ADAMTSL1: variants seen among roughly 807,000 people sequenced by gnomAD.
ADAMTSL1 encodes the protein ADAMTS like 1.
In ADAMTSL1, 126 loss-of-function variants were observed where a neutral mutation model predicts 201.8. The observed-to-expected ratio is 0.62, with a 90% CI of 0.54 to 0.72. The LOEUF (loss-of-function observed/expected upper bound fraction) is 0.72, where lower values mean the gene tolerates loss of function less well. Among genes scored for constraint, ADAMTSL1 ranks in the 30% least tolerant of loss-of-function variants. The pLI is 0.00. For missense variants in ADAMTSL1, 2,679 were observed against 2,277.8 expected, an observed-to-expected ratio of 1.18 and a Z score of -3.59; for synonymous variants, 1,121 against 903.4, an observed-to-expected ratio of 1.24 and a Z score of -4.32.
intron 2 of ADAMTSL1, among the ~76,000 whole-genome samples, chr9:18,345,653 G>A (rs1835681980): frequency 6.6e-6 from 1 of 152,066 alleles, no homozygotes; most frequent in Non-Finnish European, 1.5e-5. Context: ...ATATTTTGTG[G>A]CAAAGTTATC....
At chr9:18,403,100 T>C (rs1036878960) in intron 2 of ADAMTSL1, among the ~76,000 whole-genome samples, 4 of 152,202 alleles carry the variant, frequency 2.6e-5, no homozygotes, top group African/African-American at 7.2e-5. Flanking sequence ...ATGATAATTA[T>C]GTTAAGATCA....
chr9:17,985,324 A>G (rs1481339842), intron 1 of ADAMTSL1, among the ~76,000 whole-genome samples: 1 of 152,156 alleles, frequency 6.6e-6, no homozygotes, highest in Non-Finnish European at 1.5e-5. Flanking sequence ...TATATTTTCC[A>G]AACGTTAAAA....
At position 18,639,419 on chromosome 9, in the gene ADAMTSL1, C is replaced by G; in HGVS notation, c.834+8C>G. On this transcript the variant is annotated splice_region_variant and intron_variant, in intron 7 of 28. Coordinates refer to ENST00000380548, the MANE Select transcript of ADAMTSL1 (RefSeq NM_001040272.6). Reference sequence around the variant, plus strand: ...GCAGATTTCATTGTCAAGGTGAGCCCTATTTAGATACCTCCTTTTCAAGCC... The same window carrying G: ...GCAGATTTCATTGTCAAGGTGAGCCGTATTTAGATACCTCCTTTTCAAGCC... The G allele has an allele frequency of 6.2e-7, 1 of 1,609,242 alleles. No homozygotes were observed. Among genetic ancestry groups the G allele is most frequent in the Non-Finnish European group, 8.5e-7 (1 of 1,177,372 alleles).
intron 1 of ADAMTSL1, among the ~76,000 whole-genome samples, chr9:17,929,847 C>T (rs1185253672): frequency 6.6e-6 from 1 of 152,120 alleles, no homozygotes; most frequent in African/African-American, 2.4e-5. Flanking sequence ...TTCTTTCATA[C>T]ACTTCTTTGC....
At chr9:18,067,534 T>G (rs1357349158) in intron 1 of ADAMTSL1, among the ~76,000 whole-genome samples, 3 of 152,216 alleles carry the variant, frequency 2.0e-5, no homozygotes, top group African/African-American at 4.8e-5. Context: ...AGTGGGCAAT[T>G]TAGATTACAA....
chr9:17,944,366 T>A (rs1827366184), intron 1 of ADAMTSL1, among the ~76,000 whole-genome samples: 1 of 152,056 alleles, frequency 6.6e-6, no homozygotes. Context: ...GAAGAATCAA[T>A]ATCATGAAAA....
At chr9:18,746,546 T>G (rs1227840428) in intron 15 of ADAMTSL1, among the ~76,000 whole-genome samples, 1 of 152,216 alleles carries the variant, frequency 6.6e-6, no homozygotes, top group Non-Finnish European at 1.5e-5. Context: ...AACCAAAACT[T>G]CATTTTACAT....
intron 1 of ADAMTSL1, among the ~76,000 whole-genome samples, chr9:18,117,902 A>G (rs1825323415): frequency 6.6e-6 from 1 of 152,158 alleles, no homozygotes; most frequent in Non-Finnish European, 1.5e-5. Context: ...CATGAGGGTT[A>G]CAAATTTGTA....
chr9:18,154,526 T>C (rs1212323115), intron 1 of ADAMTSL1, among the ~76,000 whole-genome samples: 1 of 152,086 alleles, frequency 6.6e-6, no homozygotes, highest in Non-Finnish European at 1.5e-5. Flanking sequence ...GGCTGCTTCA[T>C]GTGTACACAT....
intron 2 of ADAMTSL1, among the ~76,000 whole-genome samples, chr9:18,363,119 T>C (rs1367028352): frequency 6.6e-6 from 1 of 152,188 alleles, no homozygotes; most frequent in Non-Finnish European, 1.5e-5. Context: ...CAACTGACGA[T>C]GGAACCAGAA....
intron 2 of ADAMTSL1, among the ~76,000 whole-genome samples, chr9:18,178,243 C>T (rs962733391): frequency 9.2e-5 from 14 of 152,276 alleles, no homozygotes; most frequent in South Asian, 2.1e-4. Flanking sequence ...AGTTCCCTTT[C>T]CTAGTCAAAG....
At chr9:18,123,127 T>G (rs1173244931) in intron 1 of ADAMTSL1, among the ~76,000 whole-genome samples, 1 of 152,194 alleles carries the variant, frequency 6.6e-6, no homozygotes, top group East Asian at 1.9e-4. Context: ...CCACTTACAT[T>G]GAATTTAAAA....
At chr9:18,261,012 C>CCT (rs1831898590) in intron 2 of ADAMTSL1, among the ~76,000 whole-genome samples, 1 of 104,232 alleles carries the variant, frequency 9.6e-6, no homozygotes, top group African/African-American at 3.7e-5. Flanking sequence ...TTTCCTTTTT[C>CCT]TTTTTTTTTT....
At chr9:18,906,993 G>C (rs776767061) in intron 28 of ADAMTSL1, 81 bp downstream of exon 28, 22 of 1,506,520 alleles carry the variant, frequency 1.5e-5, no homozygotes, top group Non-Finnish European at 1.8e-5. Flanking sequence ...GACCGACCCT[G>C]AGCATAGGGC....
chr9:18,162,622 G>A (rs916787001), intron 1 of ADAMTSL1, among the ~76,000 whole-genome samples: 1 of 151,808 alleles, frequency 6.6e-6, no homozygotes, highest in Non-Finnish European at 1.5e-5. Flanking sequence ...TTATAGAAGA[G>A]TATACCCCTT....
At chr9:18,848,004 A>G (rs1054877057) in intron 23 of ADAMTSL1, among the ~76,000 whole-genome samples, 1 of 152,236 alleles carries the variant, frequency 6.6e-6, no homozygotes, top group East Asian at 1.9e-4. Context: ...CATGTGGCCA[A>G]CTGAATGTTA....
chr9:18,171,151 T>C (rs564918874), intron 2 of ADAMTSL1, among the ~76,000 whole-genome samples: 224 of 152,098 alleles, frequency 1.5e-3, no homozygotes, highest in African/African-American at 5.2e-3. Flanking sequence ...CAGTGTGATA[T>C]TAGAACGTAG....
intron 23 of ADAMTSL1, among the ~76,000 whole-genome samples, chr9:18,840,669 C>T (rs1465631831): frequency 2.0e-5 from 3 of 152,106 alleles, no homozygotes; most frequent in African/African-American, 4.8e-5. Flanking sequence ...TACCCATGAG[C>T]ATGGAATGTT....
chr9:18,344,048 T>C (rs995999211), intron 2 of ADAMTSL1, among the ~76,000 whole-genome samples: 1 of 152,076 alleles, frequency 6.6e-6, no homozygotes, highest in Non-Finnish European at 1.5e-5. Context: ...TTACTTCATC[T>C]TTTTCAAAAA....
Sources: gnomAD v4.1 joint callset for allele counts (sites outside exome capture counted in the v4.1 genomes callset) on GRCh38, gnomAD v4.1.1 for gene constraint, MANE v1.5 for transcripts, NCBI Gene and HGNC (gene_info 2026-07-23, HGNC 2026-07-21) for gene names.